The following MOV10L1 variants were observed in gnomAD, a reference collection of about 807,000 sequenced individuals.
MOV10L1 encodes Mov10 like RNA helicase 1.
Under a neutral mutation model 143.8 loss-of-function variants are expected in MOV10L1, and 110 were observed. The observed-to-expected ratio is 0.76, with a 90% CI of 0.66 to 0.90. MOV10L1 has a LOEUF of 0.90. Among genes scored for constraint, MOV10L1 ranks in the 40% least tolerant of loss-of-function variants. MOV10L1 has a pLI of 0.00. For synonymous variants in MOV10L1, 593 were observed against 581.1 expected (o/e 1.02, Z -0.29); for missense variants, 1,406 against 1,526.8 (o/e 0.92, Z 1.32).
chr22:50,131,805 G>C (rs2062686750), intron 13 of MOV10L1, among the ~76,000 whole-genome samples: 1 of 151,776 alleles, frequency 6.6e-6, no homozygotes, highest in African/African-American at 2.4e-5. Flanking sequence ...TTGTACACTT[G>C]TCTGTCTTGA....
At chr22:50,094,769 T>C (rs1036369608) in intron 2 of MOV10L1, 1 of 152,192 alleles carries the variant, frequency 6.6e-6, no homozygotes, top group Non-Finnish European at 1.5e-5. Flanking sequence ...ACTTGAGATG[T>C]ACTTTATTAT....
intron 3 of MOV10L1, among the ~76,000 whole-genome samples, chr22:50,102,872 GC>G (rs763701448): frequency 2.7e-4 from 41 of 152,078 alleles, no homozygotes; most frequent in Non-Finnish European, 5.6e-4. Flanking sequence ...CTGCACTCCA[GC>G]CTGGGCGACA....
In MOV10L1 at chr22:50,117,144, T is replaced by G; in HGVS notation, c.1260-13T>G. The G allele has an allele frequency of 6.3e-7, 1 of 1,587,982 alleles. No individual in the cohort carries two copies. The highest frequency in any genetic ancestry group is 2.2e-5 in the East Asian group (1 of 44,596). ...TTATGACTAAAACTAAATTTCATTT[T>G]GTTTTTTTCAAGAAATCCTGGCCGC... is the stretch of plus-strand genomic sequence containing the variant. On this transcript the variant is annotated splice_polypyrimidine_tract_variant and intron_variant, in intron 8 of 26. Transcript: ENST00000262794.
In MOV10L1 at chr22:50,117,168, G is replaced by A. The variant is rs532990542; in HGVS notation, c.1271G>A (p.Arg424His). The A allele has an allele frequency of 6.9e-6, 11 of 1,596,424 alleles. No homozygotes were observed. Among genetic ancestry groups the A allele is most frequent in the South Asian group, 4.6e-5 (4 of 87,542 alleles). ...TTGTTTTTTTCAAGAAATCCTGGCC[G>A]CTGCAAGGAGCTCCTTTTGCTCTGT... ...VVICDGKNPG[R>H]CKELLLLCFS... Residue 424 changes from arginine (R) to histidine (H), a missense_variant, in exon 9 of 27, where the codon CGC becomes CAC. Coordinates refer to ENST00000262794, the MANE Select transcript of MOV10L1 (RefSeq NM_018995.3).
intron 10 of MOV10L1, among the ~76,000 whole-genome samples, chr22:50,122,066 C>T (rs892817979): frequency 5.9e-5 from 9 of 152,144 alleles, no homozygotes; most frequent in African/African-American, 1.9e-4. Flanking sequence ...CTTGGGATTA[C>T]AGGTGTGAGC....
At chr22:50,120,855 A>G (rs2062320744) in intron 10 of MOV10L1, among the ~76,000 whole-genome samples, 1 of 152,242 alleles carries the variant, frequency 6.6e-6, no homozygotes, top group Non-Finnish European at 1.5e-5. Flanking sequence ...GGTCACGCAC[A>G]GGGCCTTTGG....
At chr22:50,102,837 G>T (rs1374846423) in intron 3 of MOV10L1, among the ~76,000 whole-genome samples, 1 of 152,088 alleles carries the variant, frequency 6.6e-6, no homozygotes, top group East Asian at 1.9e-4. Context: ...GGAGGCAGAG[G>T]TTGCGGTGAG....
rs1451496654 is a variant in MOV10L1, at chr22:50,092,195, G to GA, written c.282+11dup. On this transcript the variant is annotated intron_variant, in intron 2 of 26. Coordinates refer to ENST00000262794, the MANE Select transcript of MOV10L1 (RefSeq NM_018995.3). ...ACTGAAAGCAATCAGGGTAAGGTTT[G>GA]AGTTCATTTGGGAACAGTTTTTCTT... 2 of 1,606,864 alleles carry GA rather than the reference G, an allele frequency of 1.2e-6. No homozygotes were observed. Among genetic ancestry groups the GA allele is most frequent in the Admixed American group, 3.4e-5 (2 of 58,742 alleles).
intron 6 of MOV10L1, 82 bp downstream of exon 6, chr22:50,113,870 C>T: frequency 2.8e-6 from 3 of 1,066,896 alleles, no homozygotes; most frequent in Non-Finnish European, 3.8e-6. Context: ...GTAAAACCAA[C>T]TTTACTTTGG....
chr22:50,108,552 C>T, intron 4 of MOV10L1, 105 bp from the exon 5 acceptor site: 3 of 1,281,696 alleles, frequency 2.3e-6, no homozygotes, highest in South Asian at 2.6e-5. Context: ...ACTTGAGCTT[C>T]CTGGTGCAGC....
At chr22:50,131,763 A>G (rs1160925948) in intron 13 of MOV10L1, among the ~76,000 whole-genome samples, 1 of 150,570 alleles carries the variant, frequency 6.6e-6, no homozygotes, top group Admixed American at 6.6e-5. Flanking sequence ...ATATTTGTTG[A>G]TCTGTTTCTG....
At chr22:50,102,369 C>G (rs1174816939) in intron 3 of MOV10L1, among the ~76,000 whole-genome samples, 1 of 152,202 alleles carries the variant, frequency 6.6e-6, no homozygotes, top group Non-Finnish European at 1.5e-5. Context: ...GCAGACATAG[C>G]TGTACATGAG....
At chr22:50,123,930 G>T (rs1330493371) in intron 10 of MOV10L1, among the ~76,000 whole-genome samples, 2 of 152,124 alleles carry the variant, frequency 1.3e-5, no homozygotes, top group Non-Finnish European at 2.9e-5. Context: ...ATTGGTATAC[G>T]ATTGCTCATA....
intron 22 of MOV10L1, among the ~76,000 whole-genome samples, chr22:50,156,641 G>A (rs1329508621): frequency 2.0e-5 from 3 of 152,136 alleles, no homozygotes; most frequent in East Asian, 1.9e-4. Context: ...TTCTGTGACC[G>A]GCTTATTGCA....
At chr22:50,115,993 C>T (rs2062162943) in intron 8 of MOV10L1, among the ~76,000 whole-genome samples, 1 of 152,214 alleles carries the variant, frequency 6.6e-6, no homozygotes, top group African/African-American at 2.4e-5. Context: ...CATCAGCTGA[C>T]CAAACAGGCC....
At chr22:50,161,321 C>T (rs759872603) in intron 26 of MOV10L1, 47 bp from the exon 27 acceptor site, 3 of 1,439,814 alleles carry the variant, frequency 2.1e-6, no homozygotes, top group Non-Finnish European at 2.8e-6. Flanking sequence ...TCCCAGCCCG[C>T]TGTGGGAGCC....
chr22:50,153,919 C>T (rs2063359929), intron 22 of MOV10L1, among the ~76,000 whole-genome samples: 1 of 152,252 alleles, frequency 6.6e-6, no homozygotes, highest in Admixed American at 6.5e-5. Flanking sequence ...GCCAGTGCCC[C>T]TTCCATGCCA....
At chr22:50,098,744 G>C (rs889836148) in intron 2 of MOV10L1, among the ~76,000 whole-genome samples, 1 of 152,184 alleles carries the variant, frequency 6.6e-6, no homozygotes, top group African/African-American at 2.4e-5. Context: ...ATCCTTGCCT[G>C]GTTCCTGATC....
intron 15 of MOV10L1, among the ~76,000 whole-genome samples, chr22:50,140,647 GTA>G (rs962834226): frequency 6.6e-6 from 1 of 152,144 alleles, no homozygotes; most frequent in Non-Finnish European, 1.5e-5. Context: ...ATCCTAGGCT[GTA>G]TATAGTCCAT....
Sources: allele counts gnomAD v4.1 joint callset (sites outside exome capture counted in the v4.1 genomes callset), GRCh38; gene constraint gnomAD v4.1.1; transcripts MANE v1.5; gene names NCBI Gene and HGNC (gene_info 2026-07-23, HGNC 2026-07-21).